The following L3MBTL2 variants were observed in gnomAD, a reference collection of about 807,000 sequenced individuals.
L3MBTL2 encodes lethal(3)malignant brain tumor-like protein 2.
In L3MBTL2, 49 loss-of-function variants were observed where a neutral mutation model predicts 86.4. The ratio of observed to expected loss-of-function variants is 0.57; its 90% CI spans 0.45 to 0.72. L3MBTL2 has a LOEUF of 0.72. Ranked by LOEUF, L3MBTL2 falls within the 30% of genes least tolerant of loss-of-function variation. The probability of loss-of-function intolerance (pLI) is 0.00; values close to 1 mark genes in which losing one functional copy is unlikely to be tolerated. For synonymous variants in L3MBTL2, 336 were observed against 350.6 expected (o/e 0.96, Z 0.47); for missense variants, 755 against 923.7 (o/e 0.82, Z 2.37).
At chr22:41,214,175 G>C in intron 3 of L3MBTL2, 149 bp downstream of exon 3, 4 of 715,996 alleles carry the variant, frequency 5.6e-6, no homozygotes, top group Non-Finnish European at 6.9e-6. Context: ...TCAGAGGACA[G>C]TAGAATCCAT....
At chr22:41,223,933 C>T in intron 8 of L3MBTL2, 87 bp from the exon 9 acceptor site, 1 of 1,051,660 alleles carries the variant, frequency 9.5e-7, no homozygotes, top group Non-Finnish European at 1.4e-6. Flanking sequence ...TAACACCACA[C>T]CTTCCCTGTC....
chr22:41,222,671 G>C (rs1170224404), intron 8 of L3MBTL2, among the ~76,000 whole-genome samples: 1 of 151,756 alleles, frequency 6.6e-6, no homozygotes, highest in Non-Finnish European at 1.5e-5. Flanking sequence ...TGTAATCCCA[G>C]CACTTTGGGA....
intron 2 of L3MBTL2, among the ~76,000 whole-genome samples, chr22:41,210,192 C>T (rs1268154697): frequency 3.5e-5 from 5 of 143,152 alleles, no homozygotes; most frequent in African/African-American, 5.2e-5. Context: ...CCCTGTTGCT[C>T]AGGATGGAGT....
In L3MBTL2 at chr22:41,220,782, A is replaced by T. The variant is rs1241156165; in HGVS notation, c.767A>T (p.His256Leu). 6.2e-7 allele frequency: 1 copy of T among 1,613,944 alleles called. No homozygotes were observed. Among genetic ancestry groups the T allele is most frequent in the Admixed American group, 1.7e-5 (1 of 60,018 alleles). ...GAAGGCTTTGAAAATGACGCCAGCCATGACTTCTGGTGCAACCTGGGAACA... is the reference window on the plus strand; with the variant it reads ...GAAGGCTTTGAAAATGACGCCAGCCTTGACTTCTGGTGCAACCTGGGAACA... ...RYEGFENDAS[H>L]DFWCNLGTVD... Residue 256 changes from histidine to leucine, a missense_variant, in exon 7 of 17, where the codon CAT becomes CTT. Physicochemically the swap from His to Leu is moderately conservative, Grantham distance 99 (BLOSUM62 -3). This residue lies in a region of L3MBTL2 where 634 missense variants were observed against 748.9 expected (regional missense o/e 0.85). Coordinates refer to ENST00000216237, the MANE Select transcript of L3MBTL2 (RefSeq NM_031488.5).
At chr22:41,229,944 C>T (rs1018249755) in intron 16 of L3MBTL2, among the ~76,000 whole-genome samples, 195 bp from the exon 17 acceptor site, 3 of 152,144 alleles carry the variant, frequency 2.0e-5, no homozygotes, top group Admixed American at 6.5e-5. Context: ...ATGGCAGTGT[C>T]GTTGGCATAG....
chr22:41,220,649 C>G, intron 6 of L3MBTL2, 85 bp from the exon 7 acceptor site: 1 of 1,430,554 alleles, frequency 7.0e-7, no homozygotes, highest in Non-Finnish European at 9.4e-7. Context: ...CAGAGCAAGA[C>G]TTCGTCTCAG....
In L3MBTL2 at chr22:41,227,954, C is replaced by T. The variant is rs2032308299; in HGVS notation, c.1888+85C>T. ...CCTGGGAGCAGGCGGGGGTCAGCCCCCAGGCACTGGTTCCCAGGTGCTGTC... is the reference window on the plus strand; with the variant it reads ...CCTGGGAGCAGGCGGGGGTCAGCCCTCAGGCACTGGTTCCCAGGTGCTGTC... On this transcript the variant is annotated intron_variant, in intron 15 of 16. Transcript: ENST00000216237. This position sits in a 1 kb window ranked among gnomAD's most constrained non-coding sequence, Gnocchi z 6.0. 4.5e-6 allele frequency: 7 copies of T among 1,548,022 alleles called. No homozygotes were observed. Among genetic ancestry groups the T allele is most frequent in the Non-Finnish European group, 6.1e-6 (7 of 1,147,258 alleles).
At chr22:41,229,340 A>G (rs2032416686) in intron 15 of L3MBTL2, among the ~76,000 whole-genome samples, 200 bp from the exon 16 acceptor site, 1 of 152,186 alleles carries the variant, frequency 6.6e-6, no homozygotes, top group Non-Finnish European at 1.5e-5. Context: ...AGGTGGTGGT[A>G]TTACTTCCCA....
Position 41,224,002 on chromosome 22 carries a change from G to A in L3MBTL2, c.943-18G>A, listed in dbSNP as rs1601528998. ...GAGCCCTGAGCCATAGCAGGCCTGTGTTCTGACGTCGTTTCAGATGGTGGA... is the reference window on the plus strand; with the variant it reads ...GAGCCCTGAGCCATAGCAGGCCTGTATTCTGACGTCGTTTCAGATGGTGGA... On this transcript the variant is annotated intron_variant, in intron 8 of 16. Transcript: ENST00000216237. This position sits in a 1 kb window ranked among gnomAD's most constrained non-coding sequence, Gnocchi z 4.9. 1 of 1,604,392 alleles carries A rather than the reference G, an allele frequency of 6.2e-7. No homozygotes were observed. The highest frequency in any genetic ancestry group is 8.5e-7 in the Non-Finnish European group (1 of 1,171,236).
rs2031448143 is a variant in L3MBTL2, at chr22:41,217,143, T to TG, written c.546dup (p.Lys183GlufsTer23). On this transcript the variant is annotated frameshift_variant, in exon 5 of 17. Coordinates refer to ENST00000216237, the MANE Select transcript of L3MBTL2 (RefSeq NM_031488.5). LOFTEE classifies it high-confidence loss of function. ...TGCAGCTCTGGTCTTGGGCTTCGAC[T>TG]GGGGGAAGTTCCTGAAGGATCACAG... The TG allele has an allele frequency of 7.4e-6, 12 of 1,613,958 alleles. No individual in the cohort carries two copies. The highest frequency in any genetic ancestry group is 1.0e-5 in the Non-Finnish European group (12 of 1,179,974).
Position 41,228,851 on chromosome 22 carries a change from C to CACA in L3MBTL2, c.1889-688_1889-687insCAA, listed in dbSNP as rs750766092. 6.6e-4 allele frequency among the ~76,000 whole-genome samples: 64 copies of CACA among 97,326 alleles called. 2 individuals carry two copies. Among genetic ancestry groups the CACA allele is most frequent in the African/African-American group, 8.2e-4 (22 of 26,862 alleles). The allele number at this position is 97,326 out of a possible 152,430, so 63.8% of individuals were successfully genotyped here. On this transcript the variant is annotated intron_variant, in intron 15 of 16. Coordinates refer to ENST00000216237, the MANE Select transcript of L3MBTL2 (RefSeq NM_031488.5). Reference sequence around the variant, plus strand: ...GGCGGAAGAGGGAAACTCCATCGCACAAAAAAAAAAAAAAAATTGAGTGAG... The same window carrying CACA: ...GGCGGAAGAGGGAAACTCCATCGCACACAAAAAAAAAAAAAAAAATTGAGTGAG...
chr22:41,210,013 G>A, intron 2 of L3MBTL2, 80 bp downstream of exon 2: 1 of 1,546,168 alleles, frequency 6.5e-7, no homozygotes, highest in African/African-American at 1.4e-5. Flanking sequence ...AGGCTATATG[G>A]GCAGAGCCAT....
chr22:41,217,605 C>G (rs1039207569), intron 5 of L3MBTL2: 1 of 192,074 alleles, frequency 5.2e-6, no homozygotes, highest in Non-Finnish European at 1.1e-5. Context: ...GGAGCCACTT[C>G]TGTAAAAGGC....
rs911208384 is a variant in L3MBTL2 at position 41,224,001 on chromosome 22, T to A, written c.943-19T>A. 25 of 1,599,774 alleles carry A rather than the reference T, an allele frequency of 1.6e-5. No individual in the cohort carries two copies. Among genetic ancestry groups the A allele is most frequent in the Non-Finnish European group, 2.1e-5 (24 of 1,167,162 alleles). Reference sequence around the variant, plus strand: ...AGAGCCCTGAGCCATAGCAGGCCTGTGTTCTGACGTCGTTTCAGATGGTGG... The same window carrying A: ...AGAGCCCTGAGCCATAGCAGGCCTGAGTTCTGACGTCGTTTCAGATGGTGG... On this transcript the variant is annotated intron_variant, in intron 8 of 16. Transcript: ENST00000216237. This position sits in a 1 kb window ranked among gnomAD's most constrained non-coding sequence, Gnocchi z 4.9.
rs2030592952 is a variant in L3MBTL2 at position 41,210,015 on chromosome 22, C to T, written c.262+82C>T. Reference sequence around the variant, plus strand: ...GGGGGGTGGATATAGGCTATATGGGCAGAGCCATCCAGATGTAAAAGGCTA... The same window carrying T: ...GGGGGGTGGATATAGGCTATATGGGTAGAGCCATCCAGATGTAAAAGGCTA... On this transcript the variant is annotated intron_variant, in intron 2 of 16. Coordinates refer to ENST00000216237, the MANE Select transcript of L3MBTL2 (RefSeq NM_031488.5). The T allele has an allele frequency of 2.0e-6, 3 of 1,529,856 alleles. No individual in the cohort carries two copies. In the African/African-American group the frequency reaches 4.1e-5, roughly 21 times the overall value. The allele number at this position is 1,529,856 out of a possible 1,614,324, so 94.8% of individuals were successfully genotyped here.
chr22:41,205,750 G>C (rs1311241092), intron 1 of L3MBTL2, among the ~76,000 whole-genome samples: 1 of 152,052 alleles, frequency 6.6e-6, no homozygotes, highest in African/African-American at 2.4e-5. Context: ...ATTAAAGTTG[G>C]GTGAACATCA....
Position 41,225,817 on chromosome 22 carries a change from G to A in L3MBTL2, c.1380G>A (p.Met460Ile), listed in dbSNP as rs2032145528. 6.2e-7 allele frequency: 1 copy of A among 1,613,728 alleles called. No individual in the cohort carries two copies. Among genetic ancestry groups the A allele is most frequent in the Non-Finnish European group, 8.5e-7 (1 of 1,179,696 alleles). The part of the protein sequence containing the change: ...VCKVLLDGYL[M>I]ICVDGGPSTD... ...AGGTTCTCCTGGATGGATACCTGATGATCTGTGTGGACGGGGGGCCCTCCA... is the reference window on the plus strand; with the variant it reads ...AGGTTCTCCTGGATGGATACCTGATAATCTGTGTGGACGGGGGGCCCTCCA... Residue 460 changes from methionine to isoleucine, a missense_variant, in exon 12 of 17, where the codon ATG (methionine) becomes ATA (isoleucine). By Grantham distance (10) the Met-to-Ile change is conservative. Around this residue, in one of 3 missense-constraint regions of L3MBTL2, gnomAD observed 634 missense variants for 748.9 expected, o/e 0.85. Transcript: ENST00000216237. The surrounding 1 kb of genome is among the most constrained non-coding windows in gnomAD (Gnocchi z 4.1).
rs551286952 is a variant in L3MBTL2, at chr22:41,209,711, G to A, written c.40G>A (p.Glu14Lys). The A allele has an allele frequency of 1.4e-5, 22 of 1,614,010 alleles. No individual in the cohort carries two copies. The highest frequency in any genetic ancestry group is 1.6e-4 in the Middle Eastern group (1 of 6,084). The change falls in exon 2 of 17, where the codon GAA (glutamate) becomes AAA (lysine). Residue 14 changes from glutamate to lysine, a missense_variant. Around this residue, in one of 3 missense-constraint regions of L3MBTL2, gnomAD observed 103 missense variants for 105.2 expected, o/e 0.98. Coordinates refer to ENST00000216237, the MANE Select transcript of L3MBTL2 (RefSeq NM_031488.5). ...CCTCCATTAGGAGACCCCATCTTCA[G>A]AACCAATGGAGGAAGAGGAAGATGA... ...PRSIEETPSSEPMEEEEDDDL... is the reference protein window; with the variant it reads ...PRSIEETPSSKPMEEEEDDDL...
chr22:41,212,719 C>T (rs2030988230), intron 2 of L3MBTL2, among the ~76,000 whole-genome samples: 1 of 151,630 alleles, frequency 6.6e-6, no homozygotes, highest in African/African-American at 2.4e-5. Context: ...CATGGCGAAA[C>T]CCCGTCTCTA....
Sources: gnomAD v4.1 joint callset for allele counts (sites outside exome capture counted in the v4.1 genomes callset) on GRCh38, gnomAD v4.1.1 for gene constraint, gnomAD v4.1.1 regional missense constraint, Gnocchi (gnomAD v3.1) non-coding constraint, MANE v1.5 for transcripts, NCBI Gene and HGNC (gene_info 2026-07-23, HGNC 2026-07-21) for gene names.